FGF12: variants seen among roughly 807,000 people sequenced by gnomAD.
FGF12 encodes fibroblast growth factor 12B.
Under a neutral mutation model 23.6 loss-of-function variants are expected in FGF12, and 14 were observed. The ratio of observed to expected loss-of-function variants is 0.59; its 90% CI spans 0.39 to 0.93. The LOEUF (loss-of-function observed/expected upper bound fraction) is 0.93, where lower values mean the gene tolerates loss of function less well. FGF12 is among the 40% of genes least tolerant of loss of function. FGF12 has a pLI of 0.00. For synonymous variants in FGF12, 62 were observed against 77.3 expected, an observed-to-expected ratio of 0.80 and a Z score of 1.04; for missense variants, 175 against 217.8, an observed-to-expected ratio of 0.80 and a Z score of 1.24.
chr3:192,175,497 G>T (rs934697194), intron 4 of FGF12, among the ~76,000 whole-genome samples: 1 of 152,110 alleles, frequency 6.6e-6, no homozygotes, highest in African/African-American at 2.4e-5. Flanking sequence ...TTTAAAACCT[G>T]CCCATTCTTC....
intron 4 of FGF12, among the ~76,000 whole-genome samples, chr3:192,216,819 T>G (rs901841188): frequency 1.3e-5 from 2 of 152,174 alleles, no homozygotes; most frequent in African/African-American, 4.8e-5. Context: ...ACAGAGAGTG[T>G]GGAGCAAACA....
intron 3 of FGF12, among the ~76,000 whole-genome samples, chr3:192,341,691 G>A (rs1180032896): frequency 6.6e-6 from 1 of 152,110 alleles, no homozygotes; most frequent in Non-Finnish European, 1.5e-5. Flanking sequence ...AGTAACAAAT[G>A]AGAAAAGAAA....
At chr3:192,689,353 A>G (rs1301086165) in intron 2 of FGF12, among the ~76,000 whole-genome samples, 1 of 152,204 alleles carries the variant, frequency 6.6e-6, no homozygotes, top group Non-Finnish European at 1.5e-5. Flanking sequence ...CACCTCATGA[A>G]TATGTACAAA....
Position 192,211,989 on chromosome 3 carries a change from C to T in FGF12, c.229-41333G>A, listed in dbSNP as rs567521016. Among the ~76,000 whole-genome samples, 25 of 152,320 alleles carry T rather than the reference C, an allele frequency of 1.6e-4. 1 individual carries two copies. In the South Asian group the frequency reaches 3.7e-3, roughly 23 times the overall value. ...CACAGGAATGTTAAACAGCCTATAG[C>T]GTTCTCCCAAATAGCCCATTGTGCA... is the stretch of plus-strand genomic sequence containing the variant. On this transcript the variant is annotated intron_variant, in intron 4 of 5. Coordinates refer to ENST00000445105, the MANE Select transcript of FGF12 (RefSeq NM_004113.6).
chr3:192,259,772 A>C (rs918480859), intron 4 of FGF12, among the ~76,000 whole-genome samples: 2 of 152,164 alleles, frequency 1.3e-5, no homozygotes, highest in Non-Finnish European at 2.9e-5. Context: ...TAGTGGAAAT[A>C]GTTTAACTTT....
chr3:192,647,684 CATAT>C (rs1491231573), intron 2 of FGF12, among the ~76,000 whole-genome samples: 2 of 147,962 alleles, frequency 1.4e-5, no homozygotes, highest in Non-Finnish European at 3.0e-5. Flanking sequence ...TACATATATA[CATAT>C]ATATGTATAT....
chr3:192,304,633 A>G (rs1208242095), intron 4 of FGF12, among the ~76,000 whole-genome samples: 1 of 152,208 alleles, frequency 6.6e-6, no homozygotes, highest in Non-Finnish European at 1.5e-5. Flanking sequence ...ATTATCGCAT[A>G]TACCATACTT....
intron 4 of FGF12, among the ~76,000 whole-genome samples, chr3:192,216,078 G>A (rs948877690): frequency 2.0e-5 from 3 of 152,108 alleles, no homozygotes; most frequent in Non-Finnish European, 2.9e-5. Flanking sequence ...AGATAACACA[G>A]TAAATTTAGG....
chr3:192,228,055 A>C (rs1424314511), intron 4 of FGF12, among the ~76,000 whole-genome samples: 1 of 152,106 alleles, frequency 6.6e-6, no homozygotes, highest in Non-Finnish European at 1.5e-5. Flanking sequence ...ATCAGACAGG[A>C]GGAATAAGTT....
intron 2 of FGF12, among the ~76,000 whole-genome samples, chr3:192,455,982 C>T (rs1245487392): frequency 6.6e-6 from 1 of 152,130 alleles, no homozygotes; most frequent in Admixed American, 6.5e-5. Context: ...CAGAGGTGGT[C>T]CCCTAAAGCC....
At chr3:192,333,401 A>G (rs1443534943) in intron 4 of FGF12, among the ~76,000 whole-genome samples, 2 of 152,128 alleles carry the variant, frequency 1.3e-5, no homozygotes. Flanking sequence ...AGAAATATTC[A>G]AAATAACATC....
At chr3:192,179,057 T>C (rs1188532904) in intron 4 of FGF12, among the ~76,000 whole-genome samples, 1 of 152,222 alleles carries the variant, frequency 6.6e-6, no homozygotes, top group Non-Finnish European at 1.5e-5. Context: ...GCTACTTTGC[T>C]AACTCTGTTG....
At chr3:192,691,482 TAA>T (rs1717942219) in intron 2 of FGF12, among the ~76,000 whole-genome samples, 1 of 152,010 alleles carries the variant, frequency 6.6e-6, no homozygotes, top group Non-Finnish European at 1.5e-5. Flanking sequence ...TAAACTCTCT[TAA>T]ATCAAACAAA....
chr3:192,192,931 A>G (rs75904690), intron 4 of FGF12, among the ~76,000 whole-genome samples: 1 of 152,334 alleles, frequency 6.6e-6, no homozygotes, highest in African/African-American at 2.4e-5. Context: ...ATTAATGACA[A>G]TATATAATCA....
In FGF12 at chr3:192,519,845, A is replaced by G. The variant is rs150714502; in HGVS notation, c.14-159307T>C. 1.7e-3 allele frequency among the ~76,000 whole-genome samples: 257 copies of G among 152,336 alleles called. 1 individual carries two copies. Among genetic ancestry groups the G allele is most frequent in the African/African-American group, 5.4e-3 (226 of 41,580 alleles). On this transcript the variant is annotated intron_variant, in intron 2 of 5. Transcript: ENST00000445105. ...AGGATTATAATCCAATACTATCATT[A>G]TTTATTTTGTGGCTAAAATTGTTCT...
At chr3:192,542,493 A>G (rs1725393644) in intron 2 of FGF12, among the ~76,000 whole-genome samples, 1 of 152,200 alleles carries the variant, frequency 6.6e-6, no homozygotes, top group Admixed American at 6.5e-5. Context: ...CTCTAGGATT[A>G]ATTGCTGCTC....
In FGF12 at chr3:192,217,122, C is replaced by T. The variant is rs141098924; in HGVS notation, c.229-46466G>A. 2.2e-3 allele frequency among the ~76,000 whole-genome samples: 335 copies of T among 152,308 alleles called. 2 individuals are homozygous for T. Among genetic ancestry groups the T allele is most frequent in the African/African-American group, 5.5e-3 (229 of 41,576 alleles). ...ACATCCCCACCCAGCCGATAACTAG[C>T]TTTCTGGCACTGTGCAAGTCAATTA... On this transcript the variant is annotated intron_variant, in intron 4 of 5. Coordinates refer to ENST00000445105, the MANE Select transcript of FGF12 (RefSeq NM_004113.6).
intron 2 of FGF12, among the ~76,000 whole-genome samples, chr3:192,386,417 A>G (rs993867161): frequency 1.3e-4 from 20 of 152,314 alleles, no homozygotes; most frequent in African/African-American, 4.6e-4. Flanking sequence ...TCCCCTACAC[A>G]AATTTCATCT....
rs1721484684 is a variant in FGF12, at chr3:192,420,321, A to G, written c.14-59783T>C. Among the ~76,000 whole-genome samples the G allele has an allele frequency of 2.7e-5, 4 of 149,908 alleles. No individual in the cohort carries two copies. The South Asian group carries it at 6.2e-4, about 23-fold the overall frequency. On this transcript the variant is annotated intron_variant, in intron 2 of 5. Transcript: ENST00000445105. ...AAAGGAAATACTTACTTTAAGTTGC[A>G]GTCATGGTTATTTCCCACGAGATCT...
Sources: gnomAD v4.1 joint callset for allele counts (sites outside exome capture counted in the v4.1 genomes callset) on GRCh38, gnomAD v4.1.1 for gene constraint, MANE v1.5 for transcripts, NCBI Gene and HGNC (gene_info 2026-07-23, HGNC 2026-07-21) for gene names.